The following MBNL1 variants were observed in gnomAD, a reference collection of about 807,000 sequenced individuals.
MBNL1 encodes muscleblind like splicing regulator 1.
A neutral mutation model predicts 42.2 loss-of-function variants in MBNL1; 8 were observed. The observed-to-expected ratio is 0.19, with a 90% CI of 0.11 to 0.34. MBNL1 has a LOEUF of 0.34. Among genes scored for constraint, MBNL1 ranks in the 10% least tolerant of loss-of-function variants. MBNL1 has a pLI of 1.00. For missense variants in MBNL1, 309 were observed against 495.3 expected (o/e 0.62, Z 3.57); for synonymous variants, 169 against 173.9 (o/e 0.97, Z 0.22).
intron 2 of MBNL1, among the ~76,000 whole-genome samples, chr3:152,316,458 T>C (rs2071522227): frequency 6.6e-6 from 1 of 151,858 alleles, no homozygotes; most frequent in Non-Finnish European, 1.5e-5. Flanking sequence ...ATGCCCACTG[T>C]GTGCAAATAG....
intron 1 of MBNL1, among the ~76,000 whole-genome samples, chr3:152,291,240 C>A (rs907275735): frequency 6.6e-6 from 1 of 152,126 alleles, no homozygotes; most frequent in African/African-American, 2.4e-5. Context: ...AGAAAAAATG[C>A]AGTGTTTCTT....
At chr3:152,250,076 G>T (rs1336694863) in intron 2 of MBNL1, among the ~76,000 whole-genome samples, 1 of 151,874 alleles carries the variant, frequency 6.6e-6, no homozygotes, top group Non-Finnish European at 1.5e-5. Context: ...TTGTTCTTTT[G>T]GCTTAGGATT....
chr3:152,465,481 C>CA lies in MBNL1; in HGVS notation c.*3119dup, dbSNP rs1280164947. ...TTCAACTCAGAAGCACTCAAAAATGCAAAATGTGATAATGGGCACTTGTTT... is the reference window on the plus strand; with the variant it reads ...TTCAACTCAGAAGCACTCAAAAATGCAAAAATGTGATAATGGGCACTTGTTT... On this transcript the variant is annotated 3_prime_UTR_variant, in exon 10 of 10. Coordinates refer to ENST00000324210, the MANE Select transcript of MBNL1 (RefSeq NM_021038.5). 6 of 152,552 alleles carry CA rather than the reference C, an allele frequency of 3.9e-5. No homozygotes were observed. Among genetic ancestry groups the CA allele is most frequent in the Non-Finnish European group, 8.8e-5 (6 of 68,020 alleles). The allele number at this position is 152,552 out of a possible 1,614,324, so 9.4% of individuals were successfully genotyped here. A position where few individuals can be genotyped will look rare whatever the true frequency, so the allele number is the denominator to read the frequency against.
chr3:152,288,510 T>C (rs565119337), intron 1 of MBNL1, among the ~76,000 whole-genome samples: 1 of 152,310 alleles, frequency 6.6e-6, no homozygotes, highest in East Asian at 1.9e-4. Context: ...AACCATTTCC[T>C]TTAATCAGTT....
At position 152,464,759 on chromosome 3, in the gene MBNL1, T is replaced by G. The variant is rs1749538839; in HGVS notation, c.*2393T>G. 1 of 152,654 alleles carries G rather than the reference T, an allele frequency of 6.6e-6. No individual in the cohort carries two copies. Among genetic ancestry groups the G allele is most frequent in the Non-Finnish European group, 1.5e-5 (1 of 68,032 alleles). The allele number at this position is 152,654 out of a possible 1,614,324, so 9.5% of individuals were successfully genotyped here. On this transcript the variant is annotated 3_prime_UTR_variant, in exon 10 of 10. Transcript: ENST00000324210. ...AGCGTGTGTGCAAACTCTTGAGGGT[T>G]GATTATGCTGCAATTTAGCATGTTG... is the stretch of plus-strand genomic sequence containing the variant.
At chr3:152,357,319 G>C (rs1234472402) in intron 2 of MBNL1, among the ~76,000 whole-genome samples, 1 of 152,148 alleles carries the variant, frequency 6.6e-6, no homozygotes, top group Non-Finnish European at 1.5e-5. Flanking sequence ...ATCTTTGAAC[G>C]GACTTTTTAC....
chr3:152,325,585 CTATAT>C (rs747826627), intron 2 of MBNL1, among the ~76,000 whole-genome samples: 1 of 151,408 alleles, frequency 6.6e-6, no homozygotes, highest in Non-Finnish European at 1.5e-5. Flanking sequence ...TTTTTACATA[CTATAT>C]ATTTTTGTAG....
At chr3:152,427,196 C>CT (rs1329252376) in intron 3 of MBNL1, among the ~76,000 whole-genome samples, 5 of 152,200 alleles carry the variant, frequency 3.3e-5, no homozygotes, top group Non-Finnish European at 4.4e-5. Context: ...ATTTTAGGAA[C>CT]TAGGCCATGC....
intron 2 of MBNL1, among the ~76,000 whole-genome samples, chr3:152,330,209 G>T (rs2083380234): frequency 1.3e-5 from 2 of 152,056 alleles, no homozygotes; most frequent in Admixed American, 1.3e-4. Flanking sequence ...CAAACTTCTG[G>T]GTTCAAGCGA....
chr3:152,301,954 G>C (rs2060881577), intron 2 of MBNL1: 1 of 152,138 alleles, frequency 6.6e-6, no homozygotes, highest in South Asian at 2.1e-4. Flanking sequence ...CAAAATGAAG[G>C]ACATTAAATT....
chr3:152,376,542 C>G (rs1360931889), intron 2 of MBNL1, among the ~76,000 whole-genome samples: 1 of 152,132 alleles, frequency 6.6e-6, no homozygotes, highest in Non-Finnish European at 1.5e-5. Context: ...ACAAGACTTG[C>G]TGACTAATGG....
chr3:152,286,746 A>G lies in MBNL1; in HGVS notation c.-789-12659A>G, dbSNP rs1259959538. The stretch of plus-strand genomic sequence containing the variant: ...GATTTTATATGATAGTTCATTAGAC[A>G]TTAGATAGGAAAGTATGGAAAGTTT... On this transcript the variant is annotated intron_variant, in intron 1 of 9. Coordinates refer to ENST00000324210, the MANE Select transcript of MBNL1 (RefSeq NM_021038.5). 5.3e-5 allele frequency among the ~76,000 whole-genome samples: 8 copies of G among 151,976 alleles called. No individual in the cohort carries two copies. The South Asian group carries it at 1.0e-3, about 20-fold the overall frequency.
chr3:152,457,371 A>T (rs1161721375), intron 8 of MBNL1, among the ~76,000 whole-genome samples: 7 of 152,242 alleles, frequency 4.6e-5, no homozygotes, highest in African/African-American at 1.4e-4. Flanking sequence ...TGTCAGATGA[A>T]AATGAACATG....
chr3:152,308,419 A>G (rs2064430881), intron 2 of MBNL1, among the ~76,000 whole-genome samples: 2 of 152,152 alleles, frequency 1.3e-5, no homozygotes, highest in African/African-American at 4.8e-5. Context: ...GAGCCAGTGT[A>G]GTTTTCCCCA....
At chr3:152,420,970 A>G (rs1316471769) in intron 3 of MBNL1, among the ~76,000 whole-genome samples, 2 of 152,222 alleles carry the variant, frequency 1.3e-5, no homozygotes. Flanking sequence ...TTCGTGAAGC[A>G]TACACAGGTA....
chr3:152,375,746 G>C (rs2096871027), intron 2 of MBNL1, among the ~76,000 whole-genome samples: 1 of 151,860 alleles, frequency 6.6e-6, no homozygotes, highest in Non-Finnish European at 1.5e-5. Context: ...TTAAGCCCTG[G>C]AGGTTGAGGC....
chr3:152,432,635 A>G (rs1469825257), intron 3 of MBNL1, 82 bp from the exon 4 acceptor site: 6 of 1,211,500 alleles, frequency 5.0e-6, no homozygotes, highest in Non-Finnish European at 7.3e-6. Flanking sequence ...GGATAGATGG[A>G]TGGAGGACAA....
chr3:152,384,988 T>TA (rs1431120053), intron 2 of MBNL1, among the ~76,000 whole-genome samples: 1 of 152,048 alleles, frequency 6.6e-6, no homozygotes, highest in Non-Finnish European at 1.5e-5. Flanking sequence ...GCAGGTCAAA[T>TA]AGCTATGGTG....
At chr3:152,280,921 T>C (rs1376333131) in intron 1 of MBNL1, among the ~76,000 whole-genome samples, 1 of 152,146 alleles carries the variant, frequency 6.6e-6, no homozygotes, top group Non-Finnish European at 1.5e-5. Context: ...CCATTACATA[T>C]AAAGTTTTAC....
Sources: allele counts gnomAD v4.1 joint callset (sites outside exome capture counted in the v4.1 genomes callset), GRCh38; gene constraint gnomAD v4.1.1; transcripts MANE v1.5; gene names NCBI Gene and HGNC (gene_info 2026-07-23, HGNC 2026-07-21).